Variants in BRD4 observed in about 807,000 individuals in gnomAD.
The protein encoded by BRD4 is bromodomain containing 4.
BRD4 carries 16 observed loss-of-function variants against 142.1 expected under a neutral mutation model. The ratio of observed to expected loss-of-function variants is 0.11; its 90% CI spans 0.08 to 0.17. The LOEUF is 0.17. Among genes scored for constraint, BRD4 ranks in the 10% least tolerant of loss-of-function variants. BRD4 has a pLI of 1.00. For synonymous variants in BRD4, 833 were observed against 707.5 expected (o/e 1.18, Z -2.82); for missense variants, 1,424 against 1,810.9 (o/e 0.79, Z 3.88).
intron 1 of BRD4, among the ~76,000 whole-genome samples, chr19:15,307,905 G>A (rs981939041): frequency 1.3e-5 from 2 of 151,766 alleles, no homozygotes; most frequent in Admixed American, 6.6e-5. Context: ...GCTTGAGGCC[G>A]GGAGTTCGAG....
chr19:15,260,545 G>A (rs2047457812), intron 7 of BRD4, among the ~76,000 whole-genome samples: 1 of 152,180 alleles, frequency 6.6e-6, no homozygotes, highest in Non-Finnish European at 1.5e-5. Context: ...CCAAGCACTG[G>A]CAGAGAGGTG....
chr19:15,306,451 T>A (rs1334288168), intron 1 of BRD4, among the ~76,000 whole-genome samples: 2 of 152,042 alleles, frequency 1.3e-5, no homozygotes, highest in Non-Finnish European at 2.9e-5. Context: ...CCATTTTTTT[T>A]ATGAAGACGA....
In BRD4 at chr19:15,286,730, C is replaced by T. The variant is rs2047743019; in HGVS notation, c.-34-13597G>A. 2.0e-5 allele frequency among the ~76,000 whole-genome samples: 3 copies of T among 152,092 alleles called. 1 individual carries two copies. Among genetic ancestry groups the T allele is most frequent in the Admixed American group, 6.6e-5 (1 of 15,258 alleles). ...CAGCTGAAAAAGTAGATTCACATACCCGAGGTGTCCCCAACATATCTGGAT... is the reference window on the plus strand; with the variant it reads ...CAGCTGAAAAAGTAGATTCACATACTCGAGGTGTCCCCAACATATCTGGAT... On this transcript the variant is annotated intron_variant, in intron 1 of 19. Coordinates refer to ENST00000679869, the MANE Select transcript of BRD4 (RefSeq NM_001379291.1).
At chr19:15,264,033 C>G (rs1315134424) in intron 6 of BRD4, 3 of 252,102 alleles carry the variant, frequency 1.2e-5, no homozygotes, top group East Asian at 7.6e-5. Context: ...ACAGAGGAGA[C>G]AGCAAGGCCT....
At chr19:15,261,106 G>A (rs1463157208) in intron 7 of BRD4, among the ~76,000 whole-genome samples, 8 of 152,224 alleles carry the variant, frequency 5.3e-5, no homozygotes, top group Non-Finnish European at 1.2e-4. Context: ...TCAAGAGAGT[G>A]GGAGAGAGGG....
At chr19:15,301,865 GA>G (rs952860124) in intron 1 of BRD4, among the ~76,000 whole-genome samples, 1,121 of 40,480 alleles carry the variant, frequency 0.028, 7 homozygotes, top group African/African-American at 0.056. Context: ...CCGTCTCAAA[GA>G]AAAAAAAAAA....
rs927934594 is a variant in BRD4, at chr19:15,256,009, A to G, written c.1751+55T>C. On this transcript the variant is annotated intron_variant, in intron 9 of 19. Coordinates refer to ENST00000679869, the MANE Select transcript of BRD4 (RefSeq NM_001379291.1). Reference sequence around the variant, plus strand: ...GAGGGGCAGTGGCCCACACAGTCTCAGAGCAAGCCCTGGAAGGAGGGTCCC... The same window carrying G: ...GAGGGGCAGTGGCCCACACAGTCTCGGAGCAAGCCCTGGAAGGAGGGTCCC... 4 of 1,599,138 alleles carry G rather than the reference A, an allele frequency of 2.5e-6. No individual in the cohort carries two copies. In the African/African-American group the frequency reaches 5.4e-5, roughly 22 times the overall value.
At position 15,237,640 on chromosome 19, in the gene BRD4, A is replaced by C. The variant is rs1599426866; in HGVS notation, c.*737T>G. On this transcript the variant is annotated 3_prime_UTR_variant, in exon 20 of 20. Coordinates refer to ENST00000679869, the MANE Select transcript of BRD4 (RefSeq NM_001379291.1). ...ATATATAGAAAAAAAAGAAAAAAAA[A>C]AACGAAACAGAAACACAGGTGGGAA... The C allele has an allele frequency of 4.3e-6, 1 of 231,924 alleles. No homozygotes were observed. The highest frequency in any genetic ancestry group is 2.2e-5 in the African/African-American group (1 of 45,218). 14.4% of individuals were successfully genotyped at this position (231,924 alleles called of 1,614,324 possible). A position where few individuals can be genotyped will look rare whatever the true frequency, so the allele number is the denominator to read the frequency against.
At chr19:15,253,239 C>T (rs2047366682) in intron 11 of BRD4, 1 of 447,190 alleles carries the variant, frequency 2.2e-6, no homozygotes, top group East Asian at 3.8e-5. Flanking sequence ...CATCTCTCAG[C>T]AGGGGCTGGT....
chr19:15,323,175 C>CTT (rs1441942625), intron 1 of BRD4, among the ~76,000 whole-genome samples: 1 of 55,714 alleles, frequency 1.8e-5, no homozygotes, highest in African/African-American at 1.3e-4. Context: ...GACTCCATCT[C>CTT]TTTAAAAAAA....
intron 1 of BRD4, among the ~76,000 whole-genome samples, chr19:15,288,691 G>A (rs987281155): frequency 4.6e-5 from 7 of 152,234 alleles, no homozygotes; most frequent in African/African-American, 1.4e-4. Flanking sequence ...GACACACAGG[G>A]CCGCCGAAGG....
intron 1 of BRD4, among the ~76,000 whole-genome samples, chr19:15,324,945 TG>T (rs1340347750): frequency 2.0e-5 from 3 of 152,224 alleles, no homozygotes; most frequent in Non-Finnish European, 4.4e-5. Flanking sequence ...AGAGCTCACT[TG>T]GAAGACGTGG....
intron 1 of BRD4, chr19:15,280,548 A>C: frequency 1.5e-6 from 1 of 681,274 alleles, no homozygotes; most frequent in Non-Finnish European, 1.8e-6. Context: ...GTGAAATCTA[A>C]AACATACCAC....
At chr19:15,282,086 G>C (rs970054472) in intron 1 of BRD4, among the ~76,000 whole-genome samples, 10 of 152,218 alleles carry the variant, frequency 6.6e-5, no homozygotes, top group Non-Finnish European at 1.5e-4. Flanking sequence ...GGGCAGGCTA[G>C]GCTAACTTTT....
rs182082484 is a variant in BRD4 at position 15,314,302 on chromosome 19, T to C, written c.-35+17988A>G. Reference sequence around the variant, plus strand: ...AATTCCAAAGAGAAGTGGGAAATTTTCTAGCCTCCAAGAACAGAGGACAAA... The same window carrying C: ...AATTCCAAAGAGAAGTGGGAAATTTCCTAGCCTCCAAGAACAGAGGACAAA... On this transcript the variant is annotated intron_variant, in intron 1 of 19. Transcript: ENST00000679869. Among the ~76,000 whole-genome samples the C allele has an allele frequency of 7.7e-4, 117 of 152,308 alleles. 1 individual carries two copies. Among genetic ancestry groups the C allele is most frequent in the Admixed American group, 3.9e-3 (59 of 15,298 alleles).
intron 2 of BRD4, among the ~76,000 whole-genome samples, chr19:15,270,374 G>A (rs1490486834): frequency 2.6e-5 from 4 of 152,178 alleles, no homozygotes; most frequent in Non-Finnish European, 5.9e-5. Context: ...GGGGGTGAGG[G>A]CTACAAGTGC....
At chr19:15,259,003 C>T (rs1292340175) in intron 7 of BRD4, among the ~76,000 whole-genome samples, 1 of 152,000 alleles carries the variant, frequency 6.6e-6, no homozygotes, top group Non-Finnish European at 1.5e-5. Context: ...GGAGTGGGGC[C>T]CAGGGAGGAA....
rs2047218265 is a variant in BRD4 at position 15,239,206 on chromosome 19, G to A, written c.3635C>T (p.Thr1212Ile). The change falls in exon 18 of 20, where the codon ACC (threonine) becomes ATC (isoleucine). Residue 1212 changes from threonine (T) to isoleucine (I), a missense_variant. Physicochemically the swap from Thr to Ile is moderately conservative, Grantham distance 89. This residue lies in a region of BRD4 where 49 missense variants were observed against 97.3 expected (regional missense o/e 0.50). Transcript: ENST00000679869. The surrounding 1 kb of genome is among the most constrained non-coding windows in gnomAD (Gnocchi z 7.4). ...WASLVQKHPT[T>I]PSSTAKSSSD... is the part of the protein sequence containing the mutation. Reference sequence around the variant, plus strand: ...GGATGACTTGGCTGTGGAGGAGGGGGTGGTCGGATGCTTCTGCACTAGGCT... The same window carrying A: ...GGATGACTTGGCTGTGGAGGAGGGGATGGTCGGATGCTTCTGCACTAGGCT... 4.3e-6 allele frequency: 7 copies of A among 1,613,096 alleles called. No homozygotes were observed. The highest frequency in any genetic ancestry group is 5.9e-6 in the Non-Finnish European group (7 of 1,180,038).
At chr19:15,306,409 C>T (rs1472679737) in intron 1 of BRD4, among the ~76,000 whole-genome samples, 1 of 152,172 alleles carries the variant, frequency 6.6e-6, no homozygotes, top group African/African-American at 2.4e-5. Context: ...GCTGGGACCA[C>T]AGGCGTGTGC....
Sources: allele counts gnomAD v4.1 joint callset (sites outside exome capture counted in the v4.1 genomes callset), GRCh38; gene constraint gnomAD v4.1.1; regional missense constraint gnomAD v4.1.1; non-coding constraint Gnocchi (gnomAD v3.1); transcripts MANE v1.5; gene names NCBI Gene and HGNC (gene_info 2026-07-23, HGNC 2026-07-21).